Variants in FGF7 observed in about 807,000 individuals in gnomAD.
FGF7 encodes the protein fibroblast growth factor 7.
Under a neutral mutation model 20.5 loss-of-function variants are expected in FGF7, and 6 were observed. That is an observed-to-expected ratio of 0.29 (90% CI 0.16 to 0.58). The LOEUF is 0.58. Among genes scored for constraint, FGF7 ranks in the 20% least tolerant of loss-of-function variants. FGF7 has a pLI of 0.90. For missense variants in FGF7, 144 were observed against 228.8 expected, an observed-to-expected ratio of 0.63 and a Z score of 2.39; for synonymous variants, 64 against 74.7, an observed-to-expected ratio of 0.86 and a Z score of 0.74.
intron 2 of FGF7, among the ~76,000 whole-genome samples, chr15:49,449,694 C>T (rs2052546648): frequency 6.6e-6 from 1 of 152,030 alleles, no homozygotes; most frequent in African/African-American, 2.4e-5. Flanking sequence ...TGAATTGCTG[C>T]CAAGTTAGGT....
intron 2 of FGF7, among the ~76,000 whole-genome samples, chr15:49,444,683 C>G (rs1278678955): frequency 6.6e-6 from 1 of 151,576 alleles, no homozygotes; most frequent in African/African-American, 2.4e-5. Flanking sequence ...GACTGCAGAC[C>G]AAGGACCCTT....
At chr15:49,473,365 T>A (rs1337860537) in intron 2 of FGF7, among the ~76,000 whole-genome samples, 1 of 152,150 alleles carries the variant, frequency 6.6e-6, no homozygotes, top group Non-Finnish European at 1.5e-5. Flanking sequence ...GAACATTGAG[T>A]TAAATATAAG....
chr15:49,441,021 A>G (rs1280662480), intron 2 of FGF7, among the ~76,000 whole-genome samples: 2 of 151,940 alleles, frequency 1.3e-5, no homozygotes, highest in Non-Finnish European at 1.5e-5. Flanking sequence ...TTCAAAGTGT[A>G]AATTACCACC....
chr15:49,461,970 G>A (rs1217414991), intron 2 of FGF7, among the ~76,000 whole-genome samples: 1 of 152,100 alleles, frequency 6.6e-6, no homozygotes, highest in Non-Finnish European at 1.5e-5. Context: ...AGGAGTTCGA[G>A]ACCAGCCTGG....
chr15:49,484,366 C>G lies in FGF7; in HGVS notation c.447C>G (p.Asn149Lys). 6.3e-7 allele frequency: 1 copy of G among 1,593,272 alleles called. No individual in the cohort carries two copies. Among genetic ancestry groups the G allele is most frequent in the Non-Finnish European group, 8.5e-7 (1 of 1,177,598 alleles). ...FKELILENHY[N>K]TYASAKWTHN... The stretch of plus-strand genomic sequence containing the variant: ...AACTAATTCTGGAAAACCATTACAA[C>G]ACATATGCATCAGCTAAATGGACAC... Residue 149 changes from asparagine (N) to lysine (K), a missense_variant, in exon 4 of 4, where the codon AAC (asparagine) becomes AAG (lysine). This residue lies in a region of FGF7 where 56 missense variants were observed against 125.4 expected (regional missense o/e 0.45). Coordinates refer to ENST00000267843, the MANE Select transcript of FGF7 (RefSeq NM_002009.4).
chr15:49,423,991 C>T, intron 1 of FGF7, 41 bp from the exon 2 acceptor site: 1 of 258,940 alleles, frequency 3.9e-6, no homozygotes, highest in Non-Finnish European at 7.3e-6. Context: ...TTATCTTCCT[C>T]TCTCCTCCCC....
rs866951250 is a variant in FGF7 at position 49,457,923 on chromosome 15, A to G, written c.287-25228A>G. Among the ~76,000 whole-genome samples the G allele has an allele frequency of 5.3e-5, 8 of 152,006 alleles. No homozygotes were observed. The South Asian group carries it at 1.2e-3, about 24-fold the overall frequency. On this transcript the variant is annotated intron_variant, in intron 2 of 3. Transcript: ENST00000267843. ...TTAGCACAAGTTAAACATTTAATTA[A>G]TGTTAGAAAAATTAAGCCTTTACTG...
intron 2 of FGF7, among the ~76,000 whole-genome samples, chr15:49,442,771 C>T (rs72727291): frequency 0.051 from 7,725 of 151,794 alleles, 268 homozygotes; most frequent in East Asian, 0.068. Context: ...ACACTAGACA[C>T]TTCAAATACC....
chr15:49,479,239 C>T (rs1344033090), intron 2 of FGF7, among the ~76,000 whole-genome samples: 1 of 135,718 alleles, frequency 7.4e-6, no homozygotes, highest in Non-Finnish European at 1.6e-5. Flanking sequence ...ATTGCATGAG[C>T]TGATTCTCTC....
chr15:49,465,372 G>T (rs946249400), intron 2 of FGF7, among the ~76,000 whole-genome samples: 5 of 151,230 alleles, frequency 3.3e-5, no homozygotes, highest in African/African-American at 1.2e-4. Context: ...CTGAGCTCAA[G>T]TGATCTGCCC....
chr15:49,446,292 A>G (rs952625425), intron 2 of FGF7, among the ~76,000 whole-genome samples: 2 of 151,546 alleles, frequency 1.3e-5, no homozygotes, highest in African/African-American at 2.4e-5. Context: ...ATTAAGATTT[A>G]AATTAGTGCA....
intron 2 of FGF7, among the ~76,000 whole-genome samples, chr15:49,479,511 T>A (rs1332526431): frequency 6.6e-6 from 1 of 151,882 alleles, no homozygotes; most frequent in African/African-American, 2.4e-5. Flanking sequence ...TAACTTAATA[T>A]CTGCATATTA....
chr15:49,457,798 T>C (rs1189371974), intron 2 of FGF7, among the ~76,000 whole-genome samples: 2 of 151,936 alleles, frequency 1.3e-5, no homozygotes, highest in Non-Finnish European at 2.9e-5. Flanking sequence ...TATTAGAGAA[T>C]AGGAATTTTT....
At chr15:49,458,989 T>G (rs549130243) in intron 2 of FGF7, among the ~76,000 whole-genome samples, 19 of 152,136 alleles carry the variant, frequency 1.2e-4, no homozygotes, top group Non-Finnish European at 2.4e-4. Context: ...AAGCAATTCG[T>G]TTGATTGTCC....
rs374430098 is a variant in FGF7 at position 49,478,130 on chromosome 15, C to A, written c.287-5021C>A. On this transcript the variant is annotated intron_variant, in intron 2 of 3. Coordinates refer to ENST00000267843, the MANE Select transcript of FGF7 (RefSeq NM_002009.4). ...TTGCCATCTTTATGTCCCTAAGTAC[C>A]CAGTGTTTAGCTCCCACTTATAAGG... Among the ~76,000 whole-genome samples, 23 of 152,172 alleles carry A rather than the reference C, an allele frequency of 1.5e-4. 1 individual carries two copies. In the East Asian group the frequency reaches 3.9e-3, roughly 26 times the overall value.
At chr15:49,465,590 AAAAAG>A (rs2054198164) in intron 2 of FGF7, among the ~76,000 whole-genome samples, 1 of 132,700 alleles carries the variant, frequency 7.5e-6, no homozygotes, top group African/African-American at 3.1e-5. Context: ...GCCAAAACCA[AAAAAG>A]AGAGACCTAT....
At chr15:49,483,099 C>G (rs1597483489) in intron 2 of FGF7, 52 bp from the exon 3 acceptor site, 3 of 991,588 alleles carry the variant, frequency 3.0e-6, no homozygotes, top group South Asian at 1.3e-5. Context: ...ATTCGTGGAT[C>G]ATTTGCAAAA....
rs994865124 is a variant in FGF7 at position 49,439,630 on chromosome 15, T to G, written c.286+15047T>G. On this transcript the variant is annotated intron_variant, in intron 2 of 3. Coordinates refer to ENST00000267843, the MANE Select transcript of FGF7 (RefSeq NM_002009.4). Reference sequence around the variant, plus strand: ...GCAATAAGTTTGTGGAATAAGCTTGTTTCTGAACAAGCCTGAGAAGTAGAT... The same window carrying G: ...GCAATAAGTTTGTGGAATAAGCTTGGTTCTGAACAAGCCTGAGAAGTAGAT... Among the ~76,000 whole-genome samples, 6 of 151,874 alleles carry G rather than the reference T, an allele frequency of 4.0e-5. No individual in the cohort carries two copies. The South Asian group carries it at 1.2e-3, about 31-fold the overall frequency.
intron 2 of FGF7, among the ~76,000 whole-genome samples, chr15:49,478,175 T>C (rs1434305821): frequency 6.6e-6 from 1 of 152,128 alleles, no homozygotes; most frequent in Non-Finnish European, 1.5e-5. Context: ...CAGTATTTAG[T>C]TTTCTGTTCA....
Sources: allele counts gnomAD v4.1 joint callset (sites outside exome capture counted in the v4.1 genomes callset), GRCh38; gene constraint gnomAD v4.1.1; regional missense constraint gnomAD v4.1.1; transcripts MANE v1.5; gene names NCBI Gene and HGNC (gene_info 2026-07-23, HGNC 2026-07-21).